The following TCF7L1 variants were observed in gnomAD, a reference collection of about 807,000 sequenced individuals.
The protein encoded by TCF7L1 is transcription factor 7-like 1.
Under a neutral mutation model 63.7 loss-of-function variants are expected in TCF7L1, and 18 were observed. The observed-to-expected ratio is 0.28, with a 90% CI of 0.20 to 0.42. TCF7L1 has a LOEUF of 0.42. Ranked by LOEUF, TCF7L1 falls within the 10% of genes least tolerant of loss-of-function variation. The probability of loss-of-function intolerance (pLI) is 1.00; values close to 1 mark genes in which losing one functional copy is unlikely to be tolerated. For missense variants in TCF7L1, 654 were observed against 779.3 expected, an observed-to-expected ratio of 0.84 and a Z score of 1.91; for synonymous variants, 355 against 340.9, an observed-to-expected ratio of 1.04 and a Z score of -0.46.
At chr2:85,182,456 A>G (rs1487791954) in intron 3 of TCF7L1, among the ~76,000 whole-genome samples, 1 of 152,114 alleles carries the variant, frequency 6.6e-6, no homozygotes, top group Non-Finnish European at 1.5e-5. Flanking sequence ...CTCTTCACCC[A>G]TTGTAGCATA....
chr2:85,275,199 G>A (rs2104360107), intron 3 of TCF7L1, among the ~76,000 whole-genome samples: 1 of 152,342 alleles, frequency 6.6e-6, no homozygotes, highest in East Asian at 1.9e-4. Context: ...TCAGGCTGAT[G>A]AAGTAAAATA....
intron 3 of TCF7L1, among the ~76,000 whole-genome samples, chr2:85,182,506 G>C (rs1170744704): frequency 6.6e-6 from 1 of 152,174 alleles, no homozygotes; most frequent in Non-Finnish European, 1.5e-5. Context: ...TGGGTAGAGA[G>C]GTTCCCGGTC....
intron 3 of TCF7L1, among the ~76,000 whole-genome samples, chr2:85,165,296 G>A (rs1240764738): frequency 2.0e-5 from 3 of 152,238 alleles, no homozygotes; most frequent in African/African-American, 7.2e-5. Context: ...ATGTGCGCCT[G>A]TGTAGACTAC....
rs990447972 is a variant in TCF7L1 at position 85,142,024 on chromosome 2, T to C, written c.441+7574T>C. Among the ~76,000 whole-genome samples, 3 of 152,322 alleles carry C rather than the reference T, an allele frequency of 2.0e-5. No individual in the cohort carries two copies. The East Asian group carries it at 5.8e-4, about 29-fold the overall frequency. ...GGGAACCTTTTAGCTACATGTTAGATAATGAAATGTTTGTGTATTGATTGA... is the reference window on the plus strand; with the variant it reads ...GGGAACCTTTTAGCTACATGTTAGACAATGAAATGTTTGTGTATTGATTGA... On this transcript the variant is annotated intron_variant, in intron 3 of 11. Coordinates refer to ENST00000282111, the MANE Select transcript of TCF7L1 (RefSeq NM_031283.3).
At position 85,238,350 on chromosome 2, in the gene TCF7L1, A is replaced by G. The variant is rs560902394; in HGVS notation, c.442-45145A>G. 3.9e-5 allele frequency among the ~76,000 whole-genome samples: 6 copies of G among 152,268 alleles called. No individual in the cohort carries two copies. In the East Asian group the frequency reaches 1.2e-3, roughly 29 times the overall value. On this transcript the variant is annotated intron_variant, in intron 3 of 11. Coordinates refer to ENST00000282111, the MANE Select transcript of TCF7L1 (RefSeq NM_031283.3). Reference sequence around the variant, plus strand: ...GGGCAGGGAAGGCCGTTCTCCAGGTACTGGGGGAAGGGCACAAGCAAACAG... The same window carrying G: ...GGGCAGGGAAGGCCGTTCTCCAGGTGCTGGGGGAAGGGCACAAGCAAACAG...
chr2:85,155,351 C>G (rs1486406722), intron 3 of TCF7L1, among the ~76,000 whole-genome samples: 1 of 152,226 alleles, frequency 6.6e-6, no homozygotes, highest in African/African-American at 2.4e-5. Context: ...AGCAGCAACG[C>G]TCTGTGGAAG....
chr2:85,134,296 C>G lies in TCF7L1; in HGVS notation c.314-27C>G. On this transcript the variant is annotated intron_variant, in intron 2 of 11. Coordinates refer to ENST00000282111, the MANE Select transcript of TCF7L1 (RefSeq NM_031283.3). The surrounding 1 kb of genome is among the most constrained non-coding windows in gnomAD (Gnocchi z 5.0). ...CGCTGTCAGTCCCGGGGGCCTGGGCCTCACCTCGCCTTGGTCTTGTTCGCA... is the reference window on the plus strand; with the variant it reads ...CGCTGTCAGTCCCGGGGGCCTGGGCGTCACCTCGCCTTGGTCTTGTTCGCA... 1.3e-6 allele frequency: 2 copies of G among 1,565,952 alleles called. No homozygotes were observed. Among genetic ancestry groups the G allele is most frequent in the South Asian group, 2.3e-5 (2 of 85,688 alleles).
At chr2:85,250,363 A>T (rs1018384410) in intron 3 of TCF7L1, among the ~76,000 whole-genome samples, 1 of 152,198 alleles carries the variant, frequency 6.6e-6, no homozygotes, top group Non-Finnish European at 1.5e-5. Flanking sequence ...TGCCACACAC[A>T]GGAATTGGTA....
intron 3 of TCF7L1, among the ~76,000 whole-genome samples, chr2:85,182,929 G>C (rs1678836998): frequency 6.6e-6 from 1 of 152,186 alleles, no homozygotes; most frequent in Non-Finnish European, 1.5e-5. Context: ...TTGCCAACAA[G>C]TTCTCAGAGG....
rs921238607 is a variant in TCF7L1 at position 85,134,735 on chromosome 2, A to T, written c.441+285A>T. 2.6e-5 allele frequency among the ~76,000 whole-genome samples: 4 copies of T among 152,076 alleles called. No homozygotes were observed. The highest frequency in any genetic ancestry group is 9.7e-5 in the African/African-American group (4 of 41,424). On this transcript the variant is annotated intron_variant, in intron 3 of 11. Coordinates refer to ENST00000282111, the MANE Select transcript of TCF7L1 (RefSeq NM_031283.3). This position sits in a 1 kb window ranked among gnomAD's most constrained non-coding sequence, Gnocchi z 5.0. ...AGAATTCTTCGCCTGCACCGAAGGA[A>T]ACTTGGATTTGTGCCCGCTTTGGGG...
intron 3 of TCF7L1, among the ~76,000 whole-genome samples, chr2:85,207,139 G>T (rs1182528961): frequency 6.6e-6 from 1 of 152,220 alleles, no homozygotes; most frequent in Admixed American, 6.5e-5. Context: ...TATAATCAGT[G>T]TAGGGGCAAA....
chr2:85,149,475 C>T (rs1451023435), intron 3 of TCF7L1, among the ~76,000 whole-genome samples: 1 of 151,928 alleles, frequency 6.6e-6, no homozygotes, highest in African/African-American at 2.4e-5. Flanking sequence ...AGAAAATATA[C>T]AAAAATAGCA....
chr2:85,207,447 G>T lies in TCF7L1; in HGVS notation c.441+72997G>T, dbSNP rs554677979. On this transcript the variant is annotated intron_variant, in intron 3 of 11. Coordinates refer to ENST00000282111, the MANE Select transcript of TCF7L1 (RefSeq NM_031283.3). ...CTCACAGCACCCTTGGCACTTATCTGAAACATAGCTTTGTATTTTTTTGTA... is the reference window on the plus strand; with the variant it reads ...CTCACAGCACCCTTGGCACTTATCTTAAACATAGCTTTGTATTTTTTTGTA... Among the ~76,000 whole-genome samples, 4 of 152,144 alleles carry T rather than the reference G, an allele frequency of 2.6e-5. No homozygotes were observed. In the East Asian group the frequency reaches 7.8e-4, roughly 29 times the overall value.
At chr2:85,293,461 C>T (rs902839780) in intron 4 of TCF7L1, among the ~76,000 whole-genome samples, 1 of 152,200 alleles carries the variant, frequency 6.6e-6, no homozygotes, top group African/African-American at 2.4e-5. Context: ...TTTCCTGAGG[C>T]CTCCCCAGGA....
intron 3 of TCF7L1, among the ~76,000 whole-genome samples, chr2:85,180,734 A>G (rs529679023): frequency 6.6e-6 from 1 of 152,290 alleles, no homozygotes; most frequent in South Asian, 2.1e-4. Flanking sequence ...AGCCCGTTCC[A>G]AGTATCTGTA....
intron 3 of TCF7L1, among the ~76,000 whole-genome samples, chr2:85,154,959 G>C (rs1678111480): frequency 6.6e-6 from 1 of 152,160 alleles, no homozygotes; most frequent in African/African-American, 2.4e-5. Flanking sequence ...TGGGACTACA[G>C]GTGCGTGCCA....
chr2:85,177,570 T>C (rs1039024486), intron 3 of TCF7L1, among the ~76,000 whole-genome samples: 1 of 152,044 alleles, frequency 6.6e-6, no homozygotes, highest in Non-Finnish European at 1.5e-5. Context: ...CCAGGTGTGG[T>C]GGCGCATGCC....
intron 3 of TCF7L1, among the ~76,000 whole-genome samples, chr2:85,256,796 C>T (rs946179584): frequency 6.6e-6 from 1 of 151,940 alleles, no homozygotes; most frequent in Non-Finnish European, 1.5e-5. Context: ...ACCAGCCTGG[C>T]CAACATGGCG....
At chr2:85,216,136 C>T (rs922777891) in intron 3 of TCF7L1, among the ~76,000 whole-genome samples, 5 of 152,044 alleles carry the variant, frequency 3.3e-5, no homozygotes, top group African/African-American at 4.8e-5. Flanking sequence ...GTGGGGAGCC[C>T]GGCTGCCCTT....
Sources: gnomAD v4.1 joint callset for allele counts (sites outside exome capture counted in the v4.1 genomes callset) on GRCh38, gnomAD v4.1.1 for gene constraint, Gnocchi (gnomAD v3.1) non-coding constraint, MANE v1.5 for transcripts, NCBI Gene and HGNC (gene_info 2026-07-23, HGNC 2026-07-21) for gene names.